Variants in CABIN1 observed in about 807,000 individuals in gnomAD.
The protein encoded by CABIN1 is calcineurin binding protein 1.
CABIN1 carries 133 observed loss-of-function variants against 227.7 expected under a neutral mutation model. The observed-to-expected ratio is 0.58, with a 90% CI of 0.51 to 0.67. The LOEUF (loss-of-function observed/expected upper bound fraction) is 0.67, where lower values mean the gene tolerates loss of function less well. CABIN1 is among the 30% of genes least tolerant of loss of function. The pLI, the probability that CABIN1 is intolerant of heterozygous loss-of-function variation, is 0.00. For synonymous variants in CABIN1, 1,086 were observed against 1,155.1 expected, an observed-to-expected ratio of 0.94 and a Z score of 1.21; for missense variants, 2,408 against 2,852.5, an observed-to-expected ratio of 0.84 and a Z score of 3.55.
chr22:24,078,891 T>G (rs572459322), intron 19 of CABIN1, among the ~76,000 whole-genome samples: 1 of 152,374 alleles, frequency 6.6e-6, no homozygotes, highest in African/African-American at 2.4e-5. Flanking sequence ...TTATACCTAA[T>G]TATGTATCTG....
In CABIN1 at chr22:24,056,191, G is replaced by A; in HGVS notation, c.1094-1G>A. 2 of 1,613,726 alleles carry A rather than the reference G, an allele frequency of 1.2e-6. No homozygotes were observed. Among genetic ancestry groups the A allele is most frequent in the Non-Finnish European group, 1.7e-6 (2 of 1,179,780 alleles). ...GATTTTAATTTGCATTCTTTGTGAAGGTGATATTTCTGGGGGAGATAAATC... is the reference window on the plus strand; with the variant it reads ...GATTTTAATTTGCATTCTTTGTGAAAGTGATATTTCTGGGGGAGATAAATC... On this transcript the variant is annotated splice_acceptor_variant, in intron 9 of 36. Transcript: ENST00000263119. LOFTEE classifies it high-confidence loss of function.
intron 26 of CABIN1, chr22:24,101,882 TGTGC>T: frequency 6.5e-6 from 1 of 153,060 alleles, no homozygotes; most frequent in Non-Finnish European, 1.5e-5. Context: ...TGTGTGTGTG[TGTGC>T]CCGTGTGTAA....
intron 29 of CABIN1, among the ~76,000 whole-genome samples, chr22:24,140,312 CTG>C (rs2044678152): frequency 6.6e-6 from 1 of 152,226 alleles, no homozygotes; most frequent in Admixed American, 6.5e-5. Flanking sequence ...GGGCTCAGCA[CTG>C]TGGTTGAACA....
chr22:24,108,754 C>T (rs2042650304), intron 26 of CABIN1, among the ~76,000 whole-genome samples: 3 of 152,188 alleles, frequency 2.0e-5, no homozygotes, highest in Admixed American at 2.0e-4. Context: ...AGACCTGATC[C>T]TCAGTATCCT....
At chr22:24,101,124 C>A (rs2042179082) in intron 26 of CABIN1, among the ~76,000 whole-genome samples, 1 of 152,178 alleles carries the variant, frequency 6.6e-6, no homozygotes, top group Admixed American at 6.5e-5. Flanking sequence ...CCCCACAGAA[C>A]AATTAACTTT....
chr22:24,042,801 T>C, intron 5 of CABIN1, 103 bp from the exon 6 acceptor site: 1 of 1,148,702 alleles, frequency 8.7e-7, no homozygotes, highest in East Asian at 2.5e-5. Flanking sequence ...GGGGTGCATA[T>C]TCAAGGAGAG....
At chr22:24,160,681 GCATGAGC>G (rs907338708) in intron 29 of CABIN1, among the ~76,000 whole-genome samples, 6 of 152,240 alleles carry the variant, frequency 3.9e-5, no homozygotes, top group African/African-American at 1.4e-4. Flanking sequence ...GCTGGAGACA[GCATGAGC>G]CATGAGCCAT....
chr22:24,126,709 GT>G, intron 28 of CABIN1, among the ~76,000 whole-genome samples: 2 of 152,162 alleles, frequency 1.3e-5, no homozygotes. Context: ...GGTTAAAGCT[GT>G]CGCAAGGGCT....
rs758371310 is a variant in CABIN1 at position 24,091,575 on chromosome 22, T to C, written c.3526-8T>C. 5 of 1,614,004 alleles carry C rather than the reference T, an allele frequency of 3.1e-6. No individual in the cohort carries two copies. Among genetic ancestry groups the C allele is most frequent in the Non-Finnish European group, 4.2e-6 (5 of 1,180,036 alleles). On this transcript the variant is annotated splice_polypyrimidine_tract_variant and splice_region_variant and intron_variant, in intron 23 of 36. Transcript: ENST00000263119. ...TAAGGCCAGCCCAGTCTCATGATCTTCTTACAGATGGAGGGCCGGCGCGAC... is the reference window on the plus strand; with the variant it reads ...TAAGGCCAGCCCAGTCTCATGATCTCCTTACAGATGGAGGGCCGGCGCGAC...
intron 12 of CABIN1, 35 bp from the exon 13 acceptor site, chr22:24,061,912 A>G (rs868065052): frequency 1.3e-6 from 2 of 1,526,194 alleles, no homozygotes; most frequent in Admixed American, 1.7e-5. Flanking sequence ...AGGCTTTGTG[A>G]TACTGTTCTT....
At chr22:24,073,881 T>C (rs1256358576) in intron 18 of CABIN1, among the ~76,000 whole-genome samples, 1 of 152,208 alleles carries the variant, frequency 6.6e-6, no homozygotes, top group East Asian at 1.9e-4. Flanking sequence ...TGCTCCATTG[T>C]TTTCATCATG....
Position 24,041,227 on chromosome 22 carries a change from C to CA in CABIN1, c.300dup (p.Ala101SerfsTer29), listed in dbSNP as rs1177079889. The CA allele has an allele frequency of 6.2e-7, 1 of 1,614,210 alleles. No homozygotes were observed. Among genetic ancestry groups the CA allele is most frequent in the Admixed American group, 1.7e-5 (1 of 60,016 alleles). On this transcript the variant is annotated frameshift_variant, in exon 5 of 37. Transcript: ENST00000263119. LOFTEE classifies it high-confidence loss of function. ...ACTTATAAGAACTTGGCCCAGCTGG[C>CA]AGCCCAGCGGGAGGATCTGGAGACA...
rs554394687 is a variant in CABIN1 at position 24,108,986 on chromosome 22, T to A, written c.4118-4580T>A. Among the ~76,000 whole-genome samples the A allele has an allele frequency of 3.9e-5, 6 of 152,366 alleles. No homozygotes were observed. In the South Asian group the frequency reaches 1.2e-3, roughly 32 times the overall value. On this transcript the variant is annotated intron_variant, in intron 26 of 36. Coordinates refer to ENST00000263119, the MANE Select transcript of CABIN1 (RefSeq NM_012295.4). ...TGACATTTTGTGAACCTTTACTGTTTGTTAGGCACTGATTCAAACACTTTA... is the reference window on the plus strand; with the variant it reads ...TGACATTTTGTGAACCTTTACTGTTAGTTAGGCACTGATTCAAACACTTTA...
At chr22:24,116,802 A>C (rs905035730) in intron 27 of CABIN1, among the ~76,000 whole-genome samples, 4 of 152,154 alleles carry the variant, frequency 2.6e-5, no homozygotes, top group African/African-American at 7.2e-5. Context: ...TCTGTGCCTT[A>C]TTCTTCTTAG....
chr22:24,028,036 C>G (rs2036225744), intron 1 of CABIN1, among the ~76,000 whole-genome samples: 1 of 151,582 alleles, frequency 6.6e-6, no homozygotes, highest in South Asian at 2.1e-4. Flanking sequence ...CACAATAAAG[C>G]AAGTCACACA....
chr22:24,056,386 A>G (rs781593969), intron 10 of CABIN1, 26 bp downstream of exon 10: 6 of 1,612,218 alleles, frequency 3.7e-6, no homozygotes, highest in Non-Finnish European at 5.1e-6. Flanking sequence ...TCTGATTGTC[A>G]GAAACAAACC....
chr22:24,115,605 A>G (rs1025412308), intron 27 of CABIN1, among the ~76,000 whole-genome samples: 6 of 152,154 alleles, frequency 3.9e-5, no homozygotes, highest in African/African-American at 1.4e-4. Context: ...TAGTTCTGGG[A>G]GCAGAGCACT....
chr22:24,091,530 T>A (rs777027770), intron 23 of CABIN1, 53 bp from the exon 24 acceptor site: 54 of 1,612,248 alleles, frequency 3.3e-5, no homozygotes, highest in Non-Finnish European at 4.3e-5. Flanking sequence ...AAAAGTCTGA[T>A]CCCTGGGCAG....
rs761321471 is a variant in CABIN1 at position 24,083,275 on chromosome 22, G to T, written c.2796G>T (p.Thr932=). 3.1e-6 allele frequency: 5 copies of T among 1,613,156 alleles called. No individual in the cohort carries two copies. The highest frequency in any genetic ancestry group is 4.2e-6 in the Non-Finnish European group (5 of 1,179,990). The change falls in exon 20 of 37, where the codon ACG becomes ACT. Residue 932 remains threonine, a synonymous_variant. Coordinates refer to ENST00000263119, the MANE Select transcript of CABIN1 (RefSeq NM_012295.4). ...KELAASTSED[T]HPYKEELETA... ...TGGCTGCATCCACCTCTGAAGACAC[G>T]CACCCTTACAAGGAGGAGCTGGAGA...
Sources: allele counts gnomAD v4.1 joint callset (sites outside exome capture counted in the v4.1 genomes callset), GRCh38; gene constraint gnomAD v4.1.1; transcripts MANE v1.5; gene names NCBI Gene and HGNC (gene_info 2026-07-23, HGNC 2026-07-21).